FBN1: variants seen among roughly 807,000 people sequenced by gnomAD.
FBN1 encodes the protein fibrillin 1.
FBN1 carries 29 observed loss-of-function variants against 365.1 expected under a neutral mutation model. That is an observed-to-expected ratio of 0.08 (90% confidence interval 0.06 to 0.11). FBN1 has a LOEUF of 0.11. Ranked by LOEUF, FBN1 falls within the 10% of genes least tolerant of loss-of-function variation. The pLI is 1.00. For missense variants in FBN1, 2,476 were observed against 3,703.2 expected (o/e 0.67, Z 8.60); for synonymous variants, 1,210 against 1,270.5 (o/e 0.95, Z 1.01).
At chr15:48,524,289 C>T (rs898297834) in intron 9 of FBN1, among the ~76,000 whole-genome samples, 1 of 152,142 alleles carries the variant, frequency 6.6e-6, no homozygotes, top group Non-Finnish European at 1.5e-5. Context: ...CAGCAGGTGA[C>T]AGTTGGAATT....
chr15:48,492,470 T>C lies in FBN1; in HGVS notation c.2845A>G (p.Ile949Val). 6.2e-7 allele frequency: 1 copy of C among 1,613,516 alleles called. No homozygotes were observed. The highest frequency in any genetic ancestry group is 8.5e-7 in the Non-Finnish European group (1 of 1,179,520). ...SGMTLDATGR[I>V]CLDIRLETCF... ...TGAGCTCAGTATTTACCAAGACAGA[T>C]CCTTCCTGTGGCATCCAAAGTCATT... Residue 949 changes from isoleucine to valine, a missense_variant, in exon 24 of 66, where the codon ATC (isoleucine) becomes GTC (valine). Ile to Val is a conservative substitution (Grantham distance 29). Coordinates refer to ENST00000316623, the MANE Select transcript of FBN1 (RefSeq NM_000138.5).
intron 42 of FBN1, among the ~76,000 whole-genome samples, chr15:48,460,625 C>T (rs888961713): frequency 3.9e-5 from 6 of 152,104 alleles, no homozygotes; most frequent in African/African-American, 1.4e-4. Context: ...TTATTCAGCT[C>T]TGAACTCAGG....
chr15:48,561,336 C>T (rs2044220890), intron 6 of FBN1, among the ~76,000 whole-genome samples: 1 of 152,060 alleles, frequency 6.6e-6, no homozygotes, highest in Admixed American at 6.6e-5. Flanking sequence ...CCTACTAAGG[C>T]CCTACAATGA....
intron 49 of FBN1, among the ~76,000 whole-genome samples, chr15:48,443,022 A>G (rs1052472054): frequency 6.6e-6 from 1 of 152,220 alleles, no homozygotes; most frequent in African/African-American, 2.4e-5. Context: ...TGAGAAATTA[A>G]CCTTATTATC....
chr15:48,477,073 T>G (rs1288468127), intron 32 of FBN1, among the ~76,000 whole-genome samples: 1 of 152,190 alleles, frequency 6.6e-6, no homozygotes, highest in Non-Finnish European at 1.5e-5. Flanking sequence ...CCACAACCTA[T>G]TAATCTAGTA....
At chr15:48,451,600 CT>C (rs139972891) in intron 45 of FBN1, among the ~76,000 whole-genome samples, 119 of 152,302 alleles carry the variant, frequency 7.8e-4, no homozygotes, top group Non-Finnish European at 1.5e-3. Context: ...CAAGGAAAAT[CT>C]GACCACGTTC....
At position 48,410,908 on chromosome 15, in the gene FBN1, T is replaced by C. The variant is rs895406015; in HGVS notation, c.*82A>G. 1 of 1,279,150 alleles carries C rather than the reference T, an allele frequency of 7.8e-7. No individual in the cohort carries two copies. The highest frequency in any genetic ancestry group is 1.1e-6 in the Non-Finnish European group (1 of 901,574). 79.2% of individuals were successfully genotyped at this position (1,279,150 alleles called of 1,614,324 possible). A position where few individuals can be genotyped will look rare whatever the true frequency, so the allele number is the denominator to read the frequency against. ...TTGGTGAAAGATTGTACCTATGATA[T>C]GATGATTCTGATTGGGGGAAAATAT... On this transcript the variant is annotated 3_prime_UTR_variant, in exon 66 of 66. Transcript: ENST00000316623.
At chr15:48,524,199 G>A (rs892254551) in intron 9 of FBN1, among the ~76,000 whole-genome samples, 1 of 152,132 alleles carries the variant, frequency 6.6e-6, no homozygotes, top group African/African-American at 2.4e-5. Context: ...CACAGAACAA[G>A]AAATAAAATA....
At chr15:48,433,432 T>C (rs909583210) in intron 54 of FBN1, among the ~76,000 whole-genome samples, 2 of 151,966 alleles carry the variant, frequency 1.3e-5, no homozygotes, top group Non-Finnish European at 1.5e-5. Context: ...TCCTCCAATA[T>C]TGTTAACCAC....
chr15:48,645,012 C>G (rs1245956793), intron 1 of FBN1, 62 bp from the exon 2 acceptor site: 1 of 327,890 alleles, frequency 3.0e-6, no homozygotes, highest in South Asian at 1.1e-4. Context: ...ATGCTGAAGC[C>G]TCGCGGTCCC....
intron 64 of FBN1, among the ~76,000 whole-genome samples, chr15:48,414,006 C>T (rs905667783): frequency 6.6e-6 from 1 of 152,176 alleles, no homozygotes; most frequent in African/African-American, 2.4e-5. Flanking sequence ...CATGCGTATA[C>T]ATTCACACAA....
intron 3 of FBN1, among the ~76,000 whole-genome samples, chr15:48,611,367 T>C (rs1401710244): frequency 6.6e-6 from 1 of 152,100 alleles, no homozygotes; most frequent in African/African-American, 2.4e-5. Context: ...TTCATGCCAT[T>C]CTCCTGCCTC....
At chr15:48,419,989 G>A (rs2042927640) in intron 63 of FBN1, among the ~76,000 whole-genome samples, 1 of 152,158 alleles carries the variant, frequency 6.6e-6, no homozygotes, top group Admixed American at 6.5e-5. Flanking sequence ...GTCCCTTTCT[G>A]GACTTCTAGG....
intron 60 of FBN1, among the ~76,000 whole-genome samples, chr15:48,422,424 T>C (rs1041009161): frequency 6.6e-6 from 1 of 152,364 alleles, no homozygotes; most frequent in Admixed American, 6.5e-5. Context: ...CTGCAAATTT[T>C]CCAGAGCTTT....
chr15:48,485,308 T>G (rs2043495908), intron 30 of FBN1, 66 bp downstream of exon 30: 1 of 1,612,236 alleles, frequency 6.2e-7, no homozygotes, highest in Non-Finnish European at 8.5e-7. Context: ...CTCCAAAGCC[T>G]GGGCCCTAAA....
chr15:48,570,108 A>T (rs955150270), intron 6 of FBN1, among the ~76,000 whole-genome samples: 5 of 152,180 alleles, frequency 3.3e-5, no homozygotes, highest in Non-Finnish European at 7.4e-5. Context: ...GTATGGACTT[A>T]ATACTCTTTC....
intron 32 of FBN1, among the ~76,000 whole-genome samples, chr15:48,479,601 A>C (rs1183672661): frequency 6.6e-6 from 1 of 152,186 alleles, no homozygotes; most frequent in Non-Finnish European, 1.5e-5. Flanking sequence ...CTTTGACTTC[A>C]AATCTATGAA....
In FBN1 at chr15:48,537,726, C is replaced by G. The variant is rs765173237; in HGVS notation, c.621G>C (p.Thr207=). Reference sequence around the variant, plus strand: ...CTCGGCCGACTGTGGCACAGCAGAGCGTTTTTGTGCAGACAATCCCGCTGA... The same window carrying G: ...CTCGGCCGACTGTGGCACAGCAGAGGGTTTTTGTGCAGACAATCCCGCTGA... ...GQLSGIVCTK[T]LCCATVGRAW... Residue 207 remains threonine (T), a synonymous_variant, in exon 7 of 66, where the codon ACG becomes ACC. Transcript: ENST00000316623. 2 of 1,614,088 alleles carry G rather than the reference C, an allele frequency of 1.2e-6. No individual in the cohort carries two copies. Among genetic ancestry groups the G allele is most frequent in the Non-Finnish European group, 8.5e-7 (1 of 1,180,040 alleles).
intron 29 of FBN1, 50 bp downstream of exon 29, chr15:48,487,022 ACAT>A: frequency 1.6e-6 from 2 of 1,262,148 alleles, no homozygotes; most frequent in Admixed American, 3.1e-5. Context: ...ACATAACATA[ACAT>A]AAAATAAAGT....
Sources: allele counts gnomAD v4.1 joint callset (sites outside exome capture counted in the v4.1 genomes callset), GRCh38; gene constraint gnomAD v4.1.1; transcripts MANE v1.5; gene names NCBI Gene and HGNC (gene_info 2026-07-23, HGNC 2026-07-21).